ENO4: variants seen among roughly 807,000 people sequenced by gnomAD.
The protein encoded by ENO4 is enolase 4, also known as 2-phospho-D-glycerate hydro-lyase.
A neutral mutation model predicts 63.2 loss-of-function variants in ENO4; 53 were observed. The observed-to-expected ratio is 0.84, with a 90% CI of 0.67 to 1.05. The LOEUF (loss-of-function observed/expected upper bound fraction) is 1.05. Ranked by LOEUF, ENO4 falls within the 50% of genes least tolerant of loss-of-function variation. ENO4 has a pLI of 0.00. For missense variants in ENO4, 719 were observed against 772.0 expected, an observed-to-expected ratio of 0.93 and a Z score of 0.81; for synonymous variants, 266 against 283.8, an observed-to-expected ratio of 0.94 and a Z score of 0.63.
chr10:116,875,955 T>TTGTGCC, intron 10 of ENO4, 110 bp from the exon 11 acceptor site: 1 of 775,730 alleles, frequency 1.3e-6, no homozygotes, highest in Non-Finnish European at 1.9e-6. Flanking sequence ...GAAAATTGTT[T>TTGTGCC]TGTGCATCTC....
intron 7 of ENO4, among the ~76,000 whole-genome samples, chr10:116,867,360 G>T (rs1846573333): frequency 6.8e-6 from 1 of 146,166 alleles, no homozygotes; most frequent in Admixed American, 7.1e-5. Flanking sequence ...CATTTTTTAT[G>T]ATTAAAAAGG....
At chr10:116,871,038 T>C in intron 8 of ENO4, 87 bp from the exon 9 acceptor site, 1 of 1,176,106 alleles carries the variant, frequency 8.5e-7, no homozygotes, top group East Asian at 2.6e-5. Context: ...CAGAGCTATA[T>C]CTGATCATAA....
At chr10:116,881,400 G>A (rs770988493) in intron 13 of ENO4, 115 bp from the exon 14 acceptor site, 29 of 745,564 alleles carry the variant, frequency 3.9e-5, no homozygotes, top group Admixed American at 1.9e-4. Context: ...AGTCCTTTCC[G>A]ATGGTGATGT....
Position 116,849,559 on chromosome 10 carries a change from CT to C in ENO4, c.-7del. ...GCTAAACCCCGCTGTAGCCTTAAAT[CT>C]CCTACCATGGAGGAAGAAGGCGGCG... is the stretch of plus-strand genomic sequence containing the variant. On this transcript the variant is annotated 5_prime_UTR_variant, in exon 1 of 14. Transcript: ENST00000341276. The C allele has an allele frequency of 2.0e-6, 3 of 1,532,210 alleles. No individual in the cohort carries two copies. Among genetic ancestry groups the C allele is most frequent in the Non-Finnish European group, 2.6e-6 (3 of 1,138,676 alleles). 94.9% of individuals were successfully genotyped at this position (1,532,210 alleles called of 1,614,324 possible). A position where few individuals can be genotyped will look rare whatever the true frequency, so the allele number is the denominator to read the frequency against.
chr10:116,866,066 C>G (rs906387295), intron 7 of ENO4, among the ~76,000 whole-genome samples: 1 of 152,222 alleles, frequency 6.6e-6, no homozygotes, highest in African/African-American at 2.4e-5. Context: ...AGCTGGCATT[C>G]AAACTCAGAA....
intron 10 of ENO4, among the ~76,000 whole-genome samples, chr10:116,874,439 A>G (rs1846776116): frequency 6.6e-6 from 1 of 152,178 alleles, no homozygotes; most frequent in South Asian, 2.1e-4. Flanking sequence ...GAAAAACACA[A>G]TTACCTAGGA....
downstream of ENO4, chr10:116,885,436 G>A (rs1223544600): frequency 2.0e-5 from 3 of 151,838 alleles, no homozygotes; most frequent in African/African-American, 7.3e-5. Context: ...ACTAACTACT[G>A]CTTAATTTCT....
intron 10 of ENO4, among the ~76,000 whole-genome samples, chr10:116,910,461 G>A (rs1848147348): frequency 1.3e-5 from 2 of 152,098 alleles, no homozygotes; most frequent in Admixed American, 1.3e-4. Flanking sequence ...TGGTGAATAT[G>A]GTATTTAAGA....
chr10:116,883,928 A>G (rs1195989824), downstream of ENO4: 2 of 193,220 alleles, frequency 1.0e-5, no homozygotes, highest in Non-Finnish European at 2.2e-5. Context: ...AGAAAAAAAA[A>G]GAGACATTTT....
chr10:116,880,491 G>C (rs892566259), intron 13 of ENO4, among the ~76,000 whole-genome samples: 1 of 152,070 alleles, frequency 6.6e-6, no homozygotes, highest in Admixed American at 6.6e-5. Context: ...TTGTATACTG[G>C]GTAACTAGAG....
At chr10:116,893,555 C>A (rs1342793108) in intron 10 of ENO4, among the ~76,000 whole-genome samples, 2 of 125,642 alleles carry the variant, frequency 1.6e-5, no homozygotes, top group Non-Finnish European at 3.4e-5. Flanking sequence ...TTCCCTCCCC[C>A]TCCCTGATAG....
Position 116,876,022 on chromosome 10 carries a change from T to G in ENO4, c.1342-43T>G. The G allele has an allele frequency of 4.4e-6, 6 of 1,356,450 alleles. No individual in the cohort carries two copies. The South Asian group carries it at 9.3e-5, about 21-fold the overall frequency. The allele number at this position is 1,356,450 out of a possible 1,614,324, so 84.0% of individuals were successfully genotyped here. A position where few individuals can be genotyped will look rare whatever the true frequency, so the allele number is the denominator to read the frequency against. On this transcript the variant is annotated intron_variant, in intron 10 of 13. Coordinates refer to ENST00000341276, the MANE Select transcript of ENO4 (RefSeq NM_001242699.2). ...TATTATTCCTGTTGTTTTGTAATTA[T>G]GTTCAATGCATTATAATGATCAACT...
At chr10:116,900,535 G>A in intron 10 of ENO4, 1 of 1,532,980 alleles carries the variant, frequency 6.5e-7, no homozygotes, top group Non-Finnish European at 8.7e-7. Context: ...TTCTGATTCA[G>A]ATTATCTGTG....
intron 10 of ENO4, among the ~76,000 whole-genome samples, chr10:116,888,570 A>C (rs779441721): frequency 1.9e-4 from 29 of 152,186 alleles, no homozygotes; most frequent in Non-Finnish European, 4.1e-4. Flanking sequence ...CACAAGCACC[A>C]ATCTTGATGA....
chr10:116,890,781 T>A (rs1847319634), intron 10 of ENO4, among the ~76,000 whole-genome samples: 1 of 152,182 alleles, frequency 6.6e-6, no homozygotes, highest in African/African-American at 2.4e-5. Flanking sequence ...AAGACCTGAC[T>A]CCAAACCATA....
chr10:116,903,613 GA>G (rs1183525213), intron 10 of ENO4, among the ~76,000 whole-genome samples: 1 of 152,130 alleles, frequency 6.6e-6, no homozygotes, highest in Admixed American at 6.6e-5. Context: ...GGGCAGAACA[GA>G]AAGATCAATT....
intron 6 of ENO4, among the ~76,000 whole-genome samples, chr10:116,862,500 T>C (rs1846443302): frequency 6.6e-6 from 1 of 151,836 alleles, no homozygotes; most frequent in African/African-American, 2.4e-5. Flanking sequence ...AAGAAAGTTA[T>C]CCAGGTTGGT....
At chr10:116,880,832 TA>T (rs1345001890) in intron 13 of ENO4, among the ~76,000 whole-genome samples, 1 of 152,184 alleles carries the variant, frequency 6.6e-6, no homozygotes, top group Non-Finnish European at 1.5e-5. Context: ...CTGGAGGCCT[TA>T]GCTTCCCTGA....
intron 10 of ENO4, chr10:116,901,254 G>A (rs1332537543): frequency 2.0e-6 from 2 of 985,202 alleles, no homozygotes. Flanking sequence ...CAATCAAAGT[G>A]CCACTCTGAA....
Sources: gnomAD v4.1 joint callset for allele counts (sites outside exome capture counted in the v4.1 genomes callset) on GRCh38, gnomAD v4.1.1 for gene constraint, MANE v1.5 for transcripts, NCBI Gene and HGNC (gene_info 2026-07-23, HGNC 2026-07-21) for gene names.